Variants in FBXL17 observed in about 807,000 individuals in gnomAD.
The protein encoded by FBXL17 is F-box and leucine rich repeat protein 17, also known as F-box/LRR-repeat protein 17.
Under a neutral mutation model 66.2 loss-of-function variants are expected in FBXL17, and 22 were observed. That is an observed-to-expected ratio of 0.33 (90% CI 0.24 to 0.47). FBXL17 has a LOEUF of 0.47. Among genes scored for constraint, FBXL17 ranks in the 20% least tolerant of loss-of-function variants. FBXL17 has a pLI of 1.00. For missense variants in FBXL17, 878 were observed against 948.2 expected (o/e 0.93, Z 0.97); for synonymous variants, 474 against 400.5 (o/e 1.18, Z -2.19).
intron 4 of FBXL17, among the ~76,000 whole-genome samples, chr5:108,320,638 A>C (rs1322617704): frequency 6.6e-6 from 1 of 151,838 alleles, no homozygotes; most frequent in East Asian, 1.9e-4. Flanking sequence ...GGGAAGGCTC[A>C]ACTCTGTTTT....
chr5:108,016,265 A>G (rs536322988), intron 7 of FBXL17, among the ~76,000 whole-genome samples: 1 of 152,300 alleles, frequency 6.6e-6, no homozygotes, highest in East Asian at 1.9e-4. Flanking sequence ...CAGGGCAGCC[A>G]AAGACAGCCT....
At chr5:108,129,012 T>C (rs1489140259) in intron 6 of FBXL17, among the ~76,000 whole-genome samples, 1 of 152,132 alleles carries the variant, frequency 6.6e-6, no homozygotes, top group Non-Finnish European at 1.5e-5. Context: ...TAGGTAGATT[T>C]TATACCAATC....
chr5:107,955,220 A>G (rs1751622961), intron 7 of FBXL17, among the ~76,000 whole-genome samples: 1 of 152,184 alleles, frequency 6.6e-6, no homozygotes, highest in Admixed American at 6.5e-5. Flanking sequence ...AGGAGTAAGT[A>G]CTAGGCCAAA....
intron 7 of FBXL17, among the ~76,000 whole-genome samples, chr5:107,935,448 C>T (rs1348091159): frequency 6.9e-6 from 1 of 144,176 alleles, no homozygotes; most frequent in Non-Finnish European, 1.5e-5. Flanking sequence ...TGTGTGCGCG[C>T]CTTATCTCAA....
chr5:108,128,179 G>A (rs1358797676), intron 6 of FBXL17, among the ~76,000 whole-genome samples: 1 of 151,380 alleles, frequency 6.6e-6, no homozygotes, highest in East Asian at 1.9e-4. Context: ...ATGCGAGGCA[G>A]AGCTTGCAGT....
At chr5:108,288,549 T>C (rs1757991154) in intron 4 of FBXL17, among the ~76,000 whole-genome samples, 2 of 152,068 alleles carry the variant, frequency 1.3e-5, no homozygotes, top group Middle Eastern at 3.4e-3. Flanking sequence ...TGTAGCTCTA[T>C]TGCAAATGTT....
At chr5:107,937,540 T>C (rs1580728633) in intron 7 of FBXL17, among the ~76,000 whole-genome samples, 2 of 152,160 alleles carry the variant, frequency 1.3e-5, no homozygotes, top group Admixed American at 6.6e-5. Context: ...GGCCAAAATG[T>C]TGATAAGCTT....
chr5:108,031,043 T>A (rs1318404167), intron 6 of FBXL17, among the ~76,000 whole-genome samples: 3 of 152,078 alleles, frequency 2.0e-5, no homozygotes, highest in African/African-American at 7.2e-5. Context: ...CTGGGAAAAG[T>A]AAGAGCAATT....
At chr5:108,007,658 T>C (rs1434318500) in intron 7 of FBXL17, among the ~76,000 whole-genome samples, 1 of 143,786 alleles carries the variant, frequency 7.0e-6, no homozygotes, top group African/African-American at 3.0e-5. Context: ...GTATACGGTA[T>C]GTAGGCTACT....
At chr5:108,193,371 A>C (rs981280943) in intron 5 of FBXL17, among the ~76,000 whole-genome samples, 4 of 152,176 alleles carry the variant, frequency 2.6e-5, no homozygotes, top group Admixed American at 6.5e-5. Context: ...CTCAAGGAGA[A>C]AGGGAAAGGG....
At chr5:108,203,490 C>T (rs1753985503) in intron 5 of FBXL17, among the ~76,000 whole-genome samples, 1 of 152,110 alleles carries the variant, frequency 6.6e-6, no homozygotes, top group African/African-American at 2.4e-5. Flanking sequence ...CAACTCTTAA[C>T]TGCTAAAAAG....
At chr5:107,889,482 G>A (rs1749120301) in intron 7 of FBXL17, among the ~76,000 whole-genome samples, 1 of 152,124 alleles carries the variant, frequency 6.6e-6, no homozygotes, top group African/African-American at 2.4e-5. Context: ...AATTTGAATT[G>A]TGCTAGCATT....
rs140528067 is a variant in FBXL17, at chr5:108,051,623, A to C, written c.1746-30622T>G. Among the ~76,000 whole-genome samples the C allele has an allele frequency of 7.9e-5, 12 of 152,292 alleles. No homozygotes were observed. In the East Asian group the frequency reaches 2.3e-3, roughly 29 times the overall value. On this transcript the variant is annotated intron_variant, in intron 6 of 8. Transcript: ENST00000542267. ...AATAAGAGCTACTTACAACAAACAC[A>C]CAGGCAATATCATATTGAATGGGCA... is the stretch of plus-strand genomic sequence containing the variant.
At chr5:108,184,917 T>C (rs1580575007) in intron 6 of FBXL17, among the ~76,000 whole-genome samples, 1 of 152,132 alleles carries the variant, frequency 6.6e-6, no homozygotes, top group African/African-American at 2.4e-5. Context: ...ACTTATCTTT[T>C]AAAACAAAAT....
intron 6 of FBXL17, among the ~76,000 whole-genome samples, chr5:108,156,463 A>G (rs1012810312): frequency 2.0e-5 from 3 of 151,996 alleles, no homozygotes; most frequent in African/African-American, 7.2e-5. Flanking sequence ...CTATTTATAT[A>G]TCTTAGACAT....
intron 3 of FBXL17, among the ~76,000 whole-genome samples, chr5:108,350,348 G>C (rs570206197): frequency 6.6e-6 from 1 of 152,144 alleles, no homozygotes; most frequent in Non-Finnish European, 1.5e-5. Flanking sequence ...TTTTTGGACT[G>C]GGGTATACCA....
intron 6 of FBXL17, among the ~76,000 whole-genome samples, chr5:108,152,164 G>A (rs910542391): frequency 2.6e-5 from 4 of 152,030 alleles, no homozygotes; most frequent in African/African-American, 9.7e-5. Flanking sequence ...AAATTTAAGG[G>A]GGTACCAAAA....
intron 6 of FBXL17, among the ~76,000 whole-genome samples, chr5:108,049,553 C>T (rs1236161073): frequency 6.6e-6 from 1 of 152,042 alleles, no homozygotes; most frequent in Non-Finnish European, 1.5e-5. Flanking sequence ...ATTTTGTCAC[C>T]ACCAGGCCTG....
chr5:108,011,999 G>C (rs1754194967), intron 7 of FBXL17, among the ~76,000 whole-genome samples: 1 of 152,102 alleles, frequency 6.6e-6, no homozygotes, highest in Admixed American at 6.6e-5. Flanking sequence ...TACTATGAAA[G>C]TATCTCATTG....
Sources: gnomAD v4.1 joint callset for allele counts (sites outside exome capture counted in the v4.1 genomes callset) on GRCh38, gnomAD v4.1.1 for gene constraint, MANE v1.5 for transcripts, NCBI Gene and HGNC (gene_info 2026-07-23, HGNC 2026-07-21) for gene names.